ARMH4: variants seen among roughly 807,000 people sequenced by gnomAD.
ARMH4 encodes armadillo like helical domain containing 4, also known as armadillo-like helical domain-containing protein 4.
In ARMH4, 49 loss-of-function variants were observed where a neutral mutation model predicts 61.9. The observed-to-expected ratio is 0.79, with a 90% CI of 0.63 to 1.00. The LOEUF (loss-of-function observed/expected upper bound fraction) is 1.00, where lower values mean the gene tolerates loss of function less well. ARMH4 is among the 50% of genes least tolerant of loss of function. The pLI is 0.00. For synonymous variants in ARMH4, 368 were observed against 341.5 expected (o/e 1.08, Z -0.85); for missense variants, 934 against 930.0 (o/e 1.00, Z -0.06).
At chr14:58,026,012 A>G (rs1420152486) in intron 5 of ARMH4, among the ~76,000 whole-genome samples, 1 of 151,968 alleles carries the variant, frequency 6.6e-6, no homozygotes, top group Non-Finnish European at 1.5e-5. Flanking sequence ...GTTAATTGCA[A>G]GTTTAGGAAT....
chr14:58,019,756 A>G (rs1325358002), intron 5 of ARMH4, among the ~76,000 whole-genome samples: 1 of 152,064 alleles, frequency 6.6e-6, no homozygotes, highest in Non-Finnish European at 1.5e-5. Flanking sequence ...ACGCCACTGC[A>G]CTCCAGCCTG....
chr14:58,051,145 T>C (rs1294270920), intron 5 of ARMH4, among the ~76,000 whole-genome samples: 1 of 151,398 alleles, frequency 6.6e-6, no homozygotes, highest in African/African-American at 2.4e-5. Flanking sequence ...TATTTGTTCT[T>C]ATGTTCTTGC....
intron 5 of ARMH4, among the ~76,000 whole-genome samples, chr14:58,089,766 G>A (rs887003037): frequency 6.6e-6 from 1 of 152,188 alleles, no homozygotes; most frequent in African/African-American, 2.4e-5. Flanking sequence ...TAGAGGATCA[G>A]ACAGCGCATC....
intron 5 of ARMH4, among the ~76,000 whole-genome samples, chr14:58,034,290 A>G (rs1330665733): frequency 1.6e-5 from 2 of 125,992 alleles, no homozygotes; most frequent in Non-Finnish European, 3.5e-5. Flanking sequence ...AGAATTTCAT[A>G]TCCAGCCAAA....
chr14:58,048,479 A>G lies in ARMH4; in HGVS notation c.2090-36329T>C, dbSNP rs74057612. Among the ~76,000 whole-genome samples the G allele has an allele frequency of 7.6e-3, 1,163 of 152,296 alleles. 15 individuals carry two copies. Among genetic ancestry groups the G allele is most frequent in the African/African-American group, 0.027 (1,122 of 41,562 alleles). On this transcript the variant is annotated intron_variant, in intron 5 of 7. Coordinates refer to ENST00000267485, the MANE Select transcript of ARMH4 (RefSeq NM_001001872.4). The stretch of plus-strand genomic sequence containing the variant: ...GGAGAACTGGATTTGTGTGGTGATG[A>G]TAAGAGGCATTCCCGTAACACTGAC...
intron 5 of ARMH4, among the ~76,000 whole-genome samples, chr14:58,054,468 G>A (rs940215969): frequency 5.9e-5 from 9 of 152,148 alleles, no homozygotes; most frequent in Non-Finnish European, 1.3e-4. Flanking sequence ...CAAGGACATC[G>A]TTTCTTCTTC....
At chr14:58,146,872 G>T (rs1313990560) in intron 1 of ARMH4, among the ~76,000 whole-genome samples, 1 of 152,176 alleles carries the variant, frequency 6.6e-6, no homozygotes, top group African/African-American at 2.4e-5. Context: ...ACTACTTCCA[G>T]TGTCAACTGA....
At chr14:58,134,547 C>T (rs1338768330) in intron 2 of ARMH4, among the ~76,000 whole-genome samples, 1 of 144,222 alleles carries the variant, frequency 6.9e-6, no homozygotes, top group Non-Finnish European at 1.5e-5. Flanking sequence ...TCTTGAAAAC[C>T]TTATTGTCTT....
At chr14:58,140,286 A>G (rs1320562847) in intron 1 of ARMH4, among the ~76,000 whole-genome samples, 2 of 149,202 alleles carry the variant, frequency 1.3e-5, no homozygotes, top group African/African-American at 5.0e-5. Context: ...AAAAAAAAAA[A>G]AGAGAGACCC....
intron 7 of ARMH4, 88 bp downstream of exon 7, chr14:58,004,960 C>A: frequency 6.3e-7 from 1 of 1,578,964 alleles, no homozygotes; most frequent in South Asian, 1.1e-5. Flanking sequence ...ACCCAAGCAT[C>A]ATTAAACCCC....
intron 5 of ARMH4, among the ~76,000 whole-genome samples, chr14:58,064,026 C>T (rs1414897587): frequency 1.3e-5 from 2 of 152,108 alleles, no homozygotes; most frequent in Admixed American, 6.6e-5. Context: ...GTAGGTAATA[C>T]GCACACTTTT....
intron 5 of ARMH4, among the ~76,000 whole-genome samples, chr14:58,071,571 T>C (rs1386120939): frequency 2.0e-5 from 3 of 152,086 alleles, no homozygotes; most frequent in African/African-American, 7.2e-5. Context: ...TGATAGAAAC[T>C]GAAGCTTTTT....
chr14:58,082,644 T>G (rs778694454), intron 5 of ARMH4, among the ~76,000 whole-genome samples: 1 of 152,174 alleles, frequency 6.6e-6, no homozygotes, highest in Non-Finnish European at 1.5e-5. Context: ...CCCCAGCATA[T>G]TTCACATCCT....
chr14:58,016,010 T>A (rs1230406531), intron 5 of ARMH4, among the ~76,000 whole-genome samples: 3 of 151,874 alleles, frequency 2.0e-5, no homozygotes, highest in Non-Finnish European at 4.4e-5. Context: ...GAAGTATGAA[T>A]GGATACAGCT....
intron 2 of ARMH4, among the ~76,000 whole-genome samples, chr14:58,135,476 C>T (rs911843537): frequency 3.9e-5 from 6 of 152,040 alleles, no homozygotes; most frequent in Non-Finnish European, 7.4e-5. Flanking sequence ...AATATGCAGG[C>T]GCTATTTGTA....
intron 5 of ARMH4, among the ~76,000 whole-genome samples, chr14:58,084,570 T>C (rs1281398059): frequency 6.6e-6 from 1 of 152,172 alleles, no homozygotes; most frequent in Non-Finnish European, 1.5e-5. Context: ...CCCCCAAGGA[T>C]TCATCAAATC....
At chr14:58,063,691 C>T (rs1884608397) in intron 5 of ARMH4, among the ~76,000 whole-genome samples, 1 of 151,226 alleles carries the variant, frequency 6.6e-6, no homozygotes, top group African/African-American at 2.4e-5. Context: ...GCCAGGAACA[C>T]TTTGGTACTG....
At chr14:58,056,079 G>A (rs1218686506) in intron 5 of ARMH4, among the ~76,000 whole-genome samples, 1 of 152,188 alleles carries the variant, frequency 6.6e-6, no homozygotes, top group East Asian at 1.9e-4. Context: ...GCCACTGGAG[G>A]AGACGGAAAC....
At chr14:58,130,862 T>G (rs1320608900) in intron 4 of ARMH4, among the ~76,000 whole-genome samples, 1 of 152,198 alleles carries the variant, frequency 6.6e-6, no homozygotes, top group Non-Finnish European at 1.5e-5. Context: ...GTGGGGAAAC[T>G]CAACATCTCC....
Sources: allele counts gnomAD v4.1 joint callset (sites outside exome capture counted in the v4.1 genomes callset), GRCh38; gene constraint gnomAD v4.1.1; transcripts MANE v1.5; gene names NCBI Gene and HGNC (gene_info 2026-07-23, HGNC 2026-07-21).